The following DRC4 variants were observed in gnomAD, a reference collection of about 807,000 sequenced individuals.
DRC4 encodes the protein GAS-11.
the DRC4 span, chr16:90,042,571 C>T: frequency 1.9e-6 from 3 of 1,555,374 alleles, no homozygotes; most frequent in Non-Finnish European, 1.8e-6. Flanking sequence ...AGGGGCACCC[C>T]CTCGGTGCCC....
At chr16:90,035,580 C>T in the DRC4 span, 30 of 1,609,662 alleles carry the variant, frequency 1.9e-5, no homozygotes, top group South Asian at 7.7e-5. Flanking sequence ...CTGAAGGGAG[C>T]GGGCTTCCCT....
chr16:90,022,538 G>A, the DRC4 span: 2 of 544,112 alleles, frequency 3.7e-6, no homozygotes, highest in Non-Finnish European at 6.0e-6. Context: ...TCACAACCGG[G>A]TTCCTTCCGG....
the DRC4 span, among the ~76,000 whole-genome samples, chr16:90,033,831 A>G: frequency 5.9e-5 from 9 of 151,864 alleles, no homozygotes; most frequent in Non-Finnish European, 1.3e-4. Context: ...GGTGGGGAAG[A>G]GTGCCATAGA....
At chr16:90,037,295 G>C in the DRC4 span, 1 of 1,613,976 alleles carries the variant, frequency 6.2e-7, no homozygotes, top group Non-Finnish European at 8.5e-7. Flanking sequence ...AGAGGTGTCT[G>C]GGCAGAACAA....
chr16:90,037,920 T>C, the DRC4 span: 3 of 1,390,300 alleles, frequency 2.2e-6, no homozygotes, highest in Non-Finnish European at 3.1e-6. Flanking sequence ...TTCACCAAGG[T>C]GAGCGGGCAC....
chr16:90,028,173 ATTTTTTTTTTTTTTTT>A, the DRC4 span, among the ~76,000 whole-genome samples: 3 of 63,836 alleles, frequency 4.7e-5, no homozygotes, highest in South Asian at 6.1e-4. Context: ...TTAATCGTTC[ATTTTTTTTTTTTTTTT>A]TTTTTTTTTT....
chr16:90,029,958 C>G, the DRC4 span: 1 of 152,894 alleles, frequency 6.5e-6, no homozygotes, highest in African/African-American at 2.4e-5. Flanking sequence ...GAGGTTTCAC[C>G]GTGTTAGCCA....
the DRC4 span, chr16:90,022,504 C>T: frequency 6.3e-6 from 3 of 476,376 alleles, no homozygotes; most frequent in African/African-American, 6.1e-5. Context: ...GGCTTCTGGG[C>T]TGCCGGCGAC....
At chr16:90,028,900 C>A in the DRC4 span, 1 of 1,266,132 alleles carries the variant, frequency 7.9e-7, no homozygotes, top group Non-Finnish European at 1.0e-6. Flanking sequence ...AGGCAGAGGT[C>A]CTTGAACAAT....
chr16:90,027,785 CTA>C, the DRC4 span: 3 of 1,480,066 alleles, frequency 2.0e-6, no homozygotes, highest in South Asian at 1.1e-5. Context: ...CGCAGGGTGC[CTA>C]CGCCGAGTGT....
chr16:90,040,100 G>A, the DRC4 span: 1 of 612,308 alleles, frequency 1.6e-6, no homozygotes, highest in East Asian at 2.8e-5. Context: ...TGTTCCTCCT[G>A]CCTTCCACTG....
the DRC4 span, chr16:90,031,176 C>T: frequency 4.6e-6 from 7 of 1,528,160 alleles, no homozygotes; most frequent in African/African-American, 8.2e-5. Context: ...TTACATTTAG[C>T]TGTTTATTTT....
chr16:90,022,597 G>T, the DRC4 span: 1 of 1,124,176 alleles, frequency 8.9e-7, no homozygotes, highest in South Asian at 2.1e-5. Context: ...GCCGCTGCCC[G>T]GCGGAGTCTC....
chr16:90,035,863 G>C, the DRC4 span: 4 of 1,495,560 alleles, frequency 2.7e-6, no homozygotes, highest in African/African-American at 1.4e-5. Context: ...CAGAATCCCA[G>C]AACAACCTAT....
chr16:90,040,656 T>TCACCTTCTGCGC, the DRC4 span: 2 of 274,380 alleles, frequency 7.3e-6, no homozygotes, highest in East Asian at 3.7e-5. Context: ...GTGGCCAGTT[T>TCACCTTCTGCGC]CGGGCCAGTT....
chr16:90,024,159 A>ACACACACACACACACAC, the DRC4 span, among the ~76,000 whole-genome samples: 2 of 93,494 alleles, frequency 2.1e-5, no homozygotes, highest in Admixed American at 1.1e-4. Context: ...CACACACACA[A>ACACACACACACACACAC]AATTAGCCGG....
At chr16:90,043,353 C>CT in the DRC4 span, 5 of 1,603,548 alleles carry the variant, frequency 3.1e-6, 1 homozygote, top group East Asian at 2.2e-5. Flanking sequence ...TAGCTGCCCC[C>CT]CTGGGGGGCC....
At chr16:90,043,364 A>G in the DRC4 span, 1 of 1,599,130 alleles carries the variant, frequency 6.3e-7, no homozygotes, top group Non-Finnish European at 8.5e-7. Context: ...CTGGGGGGCC[A>G]CAGCCCAGAG....
the DRC4 span, chr16:90,022,865 T>TG: frequency 1.2e-6 from 1 of 850,048 alleles, no homozygotes; most frequent in Non-Finnish European, 1.6e-6. Context: ...GGTGCTCTTG[T>TG]GGGGGTCTCC....
Sources: allele counts gnomAD v4.1 joint callset (sites outside exome capture counted in the v4.1 genomes callset), GRCh38; gene constraint gnomAD v4.1.1; transcripts MANE v1.5; gene names NCBI Gene and HGNC (gene_info 2026-07-23, HGNC 2026-07-21).